MLH3: variants seen among roughly 807,000 people sequenced by gnomAD.
MLH3 encodes the protein mutL homolog 3, also known as DNA mismatch repair protein Mlh3.
Under a neutral mutation model 122.2 loss-of-function variants are expected in MLH3, and 82 were observed. The ratio of observed to expected loss-of-function variants is 0.67; its 90% CI spans 0.56 to 0.81. The LOEUF (loss-of-function observed/expected upper bound fraction) is 0.81. Ranked by LOEUF, MLH3 falls within the 30% of genes least tolerant of loss-of-function variation. MLH3 has a pLI of 0.00. For missense variants in MLH3, 1,539 were observed against 1,714.5 expected, an observed-to-expected ratio of 0.90 and a Z score of 1.81; for synonymous variants, 524 against 599.5, an observed-to-expected ratio of 0.87 and a Z score of 1.84.
At position 75,049,449 on chromosome 14, in the gene MLH3, C is replaced by T. The variant is rs1414704463; in HGVS notation, c.207G>A (p.Val69=). Residue 69 remains valine (V), a synonymous_variant, in exon 2 of 13, where the codon GTG becomes GTA. Transcript: ENST00000355774. ...FGMGSDDVEK[V]GNRYFTSKCH... Reference sequence around the variant, plus strand: ...ATTTACTGGTGAAATAACGATTTCCCACTTTCTCTACATCATCACTCCCCA... The same window carrying T: ...ATTTACTGGTGAAATAACGATTTCCTACTTTCTCTACATCATCACTCCCCA... The T allele has an allele frequency of 1.9e-6, 3 of 1,613,992 alleles. No homozygotes were observed. Among genetic ancestry groups the T allele is most frequent in the Non-Finnish European group, 1.7e-6 (2 of 1,180,052 alleles).
chr14:75,037,659 G>T (rs1271765662), intron 6 of MLH3, among the ~76,000 whole-genome samples: 1 of 152,020 alleles, frequency 6.6e-6, no homozygotes, highest in Non-Finnish European at 1.5e-5. Context: ...ATATTTAAAA[G>T]AATAAAAGAT....
chr14:75,041,647 A>G lies in MLH3; in HGVS notation c.3433T>C (p.Trp1145Arg), dbSNP rs758459948. ...SESLQSLFSE[W>R]DNPVFARYPE... is the part of the protein sequence containing the mutation. ...TAACGGGCAAATACTGGATTGTCCC[A>G]TTCTGAGAACAAAGACTGAAGCGAT... is the stretch of plus-strand genomic sequence containing the variant. Residue 1145 changes from tryptophan to arginine, a missense_variant, in exon 4 of 13, where the codon TGG (tryptophan) becomes CGG (arginine). By Grantham distance (101) the Trp-to-Arg change is moderately radical (BLOSUM62 -3). Coordinates refer to ENST00000355774, the MANE Select transcript of MLH3 (RefSeq NM_001040108.2). The G allele has an allele frequency of 3.7e-6, 6 of 1,613,976 alleles. No homozygotes were observed.
chr14:75,030,443 G>T, intron 9 of MLH3, 100 bp downstream of exon 9: 1 of 1,218,182 alleles, frequency 8.2e-7, no homozygotes, highest in South Asian at 1.2e-5. Flanking sequence ...TAAATACCAT[G>T]AATACTTGTT....
At chr14:75,034,479 C>G (rs995989129) in intron 6 of MLH3, among the ~76,000 whole-genome samples, 1 of 152,160 alleles carries the variant, frequency 6.6e-6, no homozygotes, top group Non-Finnish European at 1.5e-5. Flanking sequence ...GTCATGCCTA[C>G]TCAACAATTC....
intron 6 of MLH3, among the ~76,000 whole-genome samples, chr14:75,037,285 C>T (rs1385066521): frequency 6.6e-6 from 1 of 152,200 alleles, no homozygotes; most frequent in Non-Finnish European, 1.5e-5. Context: ...GAAGCACTTC[C>T]CTGAACTCCC....
intron 6 of MLH3, among the ~76,000 whole-genome samples, chr14:75,033,815 G>C (rs1412305819): frequency 1.3e-5 from 2 of 151,968 alleles, no homozygotes; most frequent in African/African-American, 4.8e-5. Context: ...TATCCTATAA[G>C]TTTTATTATT....
chr14:75,048,501 A>T lies in MLH3; in HGVS notation c.1155T>A (p.Asp385Glu), dbSNP rs766153014. Residue 385 changes from aspartate (D) to glutamate (E), a missense_variant, in exon 2 of 13, where the codon GAT becomes GAA. Coordinates refer to ENST00000355774, the MANE Select transcript of MLH3 (RefSeq NM_001040108.2). ...ATGCTTCCTGGAAATTGCTCCTCTC[A>T]TCGGAAGTCACACGCTTCTGAAGAG... ...DATLQKRVTSDERSNFQEACN... is the reference protein window; with the variant it reads ...DATLQKRVTSEERSNFQEACN... 6.2e-7 allele frequency: 1 copy of T among 1,613,238 alleles called. No homozygotes were observed. The highest frequency in any genetic ancestry group is 1.1e-5 in the South Asian group (1 of 90,824).
Position 75,048,375 on chromosome 14 carries a change from A to G in MLH3, c.1281T>C (p.Asp427=), listed in dbSNP as rs371123260. 8.7e-6 allele frequency: 14 copies of G among 1,613,310 alleles called. No homozygotes were observed. The highest frequency in any genetic ancestry group is 1.0e-5 in the Non-Finnish European group (12 of 1,179,764). The change falls in exon 2 of 13, where the codon GAT becomes GAC. Residue 427 remains aspartate, a synonymous_variant. Coordinates refer to ENST00000355774, the MANE Select transcript of MLH3 (RefSeq NM_001040108.2). The part of the protein sequence containing the change: ...AENVNTQSSR[D]SEATRKNTND... ...TTGTATTTTTTCTGGTAGCTTCTGA[A>G]TCCCTAGAACTCTGTGTGTTTACGT...
chr14:75,047,687 C>G lies in MLH3; in HGVS notation c.1969G>C (p.Asp657His), dbSNP rs1224865330. The G allele has an allele frequency of 1.9e-6, 3 of 1,614,040 alleles. No homozygotes were observed. The highest frequency in any genetic ancestry group is 1.6e-4 in the Middle Eastern group (1 of 6,062). ...RHSVETPDIKDLASTLSKESG... is the reference protein window; with the variant it reads ...RHSVETPDIKHLASTLSKESG... The stretch of plus-strand genomic sequence containing the variant: ...TCTTTACTTAAAGTGCTGGCTAAAT[C>G]TTTGATGTCTGGAGTTTCAACTGAA... The change falls in exon 2 of 13, where the codon GAT becomes CAT. Residue 657 changes from aspartate (D) to histidine (H), a missense_variant. Transcript: ENST00000355774.
Position 75,034,107 on chromosome 14 carries a change from C to T in MLH3, c.3644-617G>A, listed in dbSNP as rs28757024. Among the ~76,000 whole-genome samples, 236 of 151,530 alleles carry T rather than the reference C, an allele frequency of 1.6e-3. 9 individuals are homozygous for T. In the East Asian group the frequency reaches 0.037, roughly 24 times the overall value. ...ACTTGGGAGGCTGAGGCAGGAGAAT[C>T]GCTTGAACCCAGGAGGTGTAGGTTG... On this transcript the variant is annotated intron_variant, in intron 6 of 12. Coordinates refer to ENST00000355774, the MANE Select transcript of MLH3 (RefSeq NM_001040108.2).
intron 8 of MLH3, 87 bp downstream of exon 8, chr14:75,031,981 G>T: frequency 1.1e-6 from 1 of 937,588 alleles, no homozygotes; most frequent in Non-Finnish European, 1.7e-6. Flanking sequence ...TCTCATCTGA[G>T]AAATGGAACA....
At chr14:75,028,976 C>A (rs1272449038) in intron 9 of MLH3, among the ~76,000 whole-genome samples, 3 of 150,688 alleles carry the variant, frequency 2.0e-5, no homozygotes, top group Admixed American at 1.3e-4. Context: ...TGGTGAGACC[C>A]CATCTCTACT....
At position 75,022,582 on chromosome 14, in the gene MLH3, G is replaced by A. The variant is rs28757043; in HGVS notation, c.4090+232C>T. Reference sequence around the variant, plus strand: ...TTCATCTCAAAATGCATCTCCTCTAGGAGTTATTCCTCCACTCATATAGGT... The same window carrying A: ...TTCATCTCAAAATGCATCTCCTCTAAGAGTTATTCCTCCACTCATATAGGT... On this transcript the variant is annotated intron_variant, in intron 11 of 12. Coordinates refer to ENST00000355774, the MANE Select transcript of MLH3 (RefSeq NM_001040108.2). 9.2e-3 allele frequency among the ~76,000 whole-genome samples: 1,393 copies of A among 152,238 alleles called. 29 individuals carry two copies. The highest frequency in any genetic ancestry group is 0.032 in the African/African-American group (1,334 of 41,540).
rs371381692 is a variant in MLH3, at chr14:75,038,888, G to A, written c.3571-476C>T. The stretch of plus-strand genomic sequence containing the variant: ...GAGTCTCACTTTGTCACCCAGGCTG[G>A]AGTGCAATGGTGTGATCTCGGCTCA... On this transcript the variant is annotated intron_variant, in intron 5 of 12. Transcript: ENST00000355774. 5.4e-4 allele frequency among the ~76,000 whole-genome samples: 82 copies of A among 151,594 alleles called. 1 individual carries two copies. In the South Asian group the frequency reaches 0.017, roughly 31 times the overall value.
rs73307800 is a variant in MLH3 at position 75,016,270 on chromosome 14, A to T, written c.*812T>A. On this transcript the variant is annotated 3_prime_UTR_variant, in exon 13 of 13. Transcript: ENST00000355774. ...ATATTTGGTTAGGTTGAACGTATGT[A>T]TGCTGTGTTTTGATATGACAATTGC... 4.9e-6 allele frequency: 1 copy of T among 204,168 alleles called. No individual in the cohort carries two copies. The highest frequency in any genetic ancestry group is 2.3e-5 in the African/African-American group (1 of 43,880). 12.6% of individuals were successfully genotyped at this position (204,168 alleles called of 1,614,324 possible). A position where few individuals can be genotyped will look rare whatever the true frequency, so the allele number is the denominator to read the frequency against.
intron 9 of MLH3, among the ~76,000 whole-genome samples, chr14:75,024,359 G>A (rs1347789824): frequency 1.3e-5 from 2 of 151,856 alleles, no homozygotes; most frequent in African/African-American, 2.4e-5. Flanking sequence ...GCACCACCAC[G>A]CCTGGCTAAT....
At position 75,048,850 on chromosome 14, in the gene MLH3, TC is replaced by T; in HGVS notation, c.805del (p.Asp269ThrfsTer4). On this transcript the variant is annotated frameshift_variant, in exon 2 of 13. Transcript: ENST00000355774. LOFTEE classifies it high-confidence loss of function. Reference protein sequence around the residue: ...VLRTKLHKLIDFLLRKESIIC... With the variant: ...VLRTKLHKLIXFLLRKESIIC... The stretch of plus-strand genomic sequence containing the variant: ...AATACTTTCTTTCCTTAATAAAAAG[TC>T]AATGAGTTTATGTAGCTTTGTCCTT... The T allele has an allele frequency of 6.2e-7, 1 of 1,614,144 alleles. No individual in the cohort carries two copies.
At chr14:75,041,528 A>T (rs1891851176) in intron 4 of MLH3, 87 bp downstream of exon 4, 1 of 1,045,074 alleles carries the variant, frequency 9.6e-7, no homozygotes, top group Non-Finnish European at 1.5e-6. Flanking sequence ...AGTCTGGGCA[A>T]CAGGAGCAAA....
rs1179055360 is a variant in MLH3 at position 75,048,310 on chromosome 14, C to G, written c.1346G>C (p.Gly449Ala). ...FLYIYESGGP[G>A]HSKMTEPSLQ... ...AGATGGCTCTGTCATTTTGCTATGG[C>G]CTGGACCACCTGATTCATAAATGTA... The change falls in exon 2 of 13, where the codon GGC becomes GCC. Residue 449 changes from glycine to alanine, a missense_variant. Physicochemically the swap from Gly to Ala is moderately conservative, Grantham distance 60. Transcript: ENST00000355774. 6.2e-7 allele frequency: 1 copy of G among 1,614,024 alleles called. No homozygotes were observed. The highest frequency in any genetic ancestry group is 8.5e-7 in the Non-Finnish European group (1 of 1,180,022).
Sources: allele counts gnomAD v4.1 joint callset (sites outside exome capture counted in the v4.1 genomes callset), GRCh38; gene constraint gnomAD v4.1.1; transcripts MANE v1.5; gene names NCBI Gene and HGNC (gene_info 2026-07-23, HGNC 2026-07-21).